Variants in KLF12 observed in about 807,000 individuals in gnomAD.
The protein encoded by KLF12 is Krueppel-like factor 12.
In KLF12, 9 loss-of-function variants were observed where a neutral mutation model predicts 37.8. That is an observed-to-expected ratio of 0.24 (90% confidence interval 0.14 to 0.42). The LOEUF (loss-of-function observed/expected upper bound fraction) is 0.42. KLF12 is among the 10% of genes least tolerant of loss of function. KLF12 has a pLI of 1.00. For missense variants in KLF12, 411 were observed against 516.0 expected (o/e 0.80, Z 1.97); for synonymous variants, 208 against 202.1 (o/e 1.03, Z -0.25).
chr13:74,305,840 T>G, the KLF12 span, among the ~76,000 whole-genome samples: 1 of 152,122 alleles, frequency 6.6e-6, no homozygotes, highest in Non-Finnish European at 1.5e-5. Flanking sequence ...CCCATCATTT[T>G]GTTTACCAGC....
At chr13:73,789,811 G>C (rs1042683839) in intron 5 of KLF12, among the ~76,000 whole-genome samples, 4 of 152,020 alleles carry the variant, frequency 2.6e-5, no homozygotes, top group Admixed American at 2.6e-4. Context: ...CGAGTAGCTG[G>C]GACTACAGGC....
At chr13:73,957,090 GGAAAGGAAAGGAAA>G in intron 2 of KLF12, among the ~76,000 whole-genome samples, 1 of 79,164 alleles carries the variant, frequency 1.3e-5, no homozygotes, top group Non-Finnish European at 2.9e-5. Context: ...GGAAAGGAAA[GGAAAGGAAAGGAAA>G]GAAAGGAAAA....
At chr13:73,915,656 G>C (rs1023477275) in intron 3 of KLF12, among the ~76,000 whole-genome samples, 1 of 150,048 alleles carries the variant, frequency 6.7e-6, no homozygotes, top group South Asian at 2.1e-4. Flanking sequence ...GGGACTACAG[G>C]CACCTGCCAC....
chr13:74,276,461 G>A, the KLF12 span, among the ~76,000 whole-genome samples: 2 of 152,030 alleles, frequency 1.3e-5, no homozygotes, highest in African/African-American at 4.8e-5. Flanking sequence ...TTTTGAACAG[G>A]AATTGAAATA....
chr13:74,176,755 T>G, the KLF12 span, among the ~76,000 whole-genome samples: 2 of 152,206 alleles, frequency 1.3e-5, no homozygotes, highest in African/African-American at 2.4e-5. Context: ...ACTCATATTC[T>G]TATTTATACC....
intron 1 of KLF12, among the ~76,000 whole-genome samples, chr13:74,072,364 A>AATATACATATAT (rs1874303155): frequency 1.6e-5 from 1 of 63,064 alleles, no homozygotes; most frequent in African/African-American, 4.7e-5. Context: ...AAGAAATACA[A>AATATACATATAT]ATATATATAT....
the KLF12 span, among the ~76,000 whole-genome samples, chr13:74,304,643 C>A: frequency 6.6e-6 from 1 of 151,928 alleles, no homozygotes. Context: ...ACGATAATTT[C>A]ATGTAAGGGG....
intron 1 of KLF12, among the ~76,000 whole-genome samples, chr13:74,026,802 C>T (rs1350223764): frequency 1.3e-5 from 2 of 152,166 alleles, no homozygotes; most frequent in Admixed American, 1.3e-4. Context: ...CTACCTCAGT[C>T]CCACAGGAGA....
intron 1 of KLF12, among the ~76,000 whole-genome samples, chr13:74,068,783 C>T (rs1874063504): frequency 6.6e-6 from 1 of 152,124 alleles, no homozygotes; most frequent in African/African-American, 2.4e-5. Context: ...TCTCGAACTC[C>T]TGGCCTCAAG....
chr13:73,697,084 CT>C (rs1874202807), intron 7 of KLF12, among the ~76,000 whole-genome samples: 1 of 105,268 alleles, frequency 9.5e-6, no homozygotes, highest in South Asian at 3.8e-4. Context: ...ATTAATACAA[CT>C]GCAACACACA....
At chr13:74,162,443 T>C in the KLF12 span, among the ~76,000 whole-genome samples, 1 of 152,242 alleles carries the variant, frequency 6.6e-6, no homozygotes, top group Non-Finnish European at 1.5e-5. Flanking sequence ...ATTCTTAAAT[T>C]AGGCCAGATG....
chr13:74,082,163 T>TA (rs57156299), intron 1 of KLF12, among the ~76,000 whole-genome samples: 1,486 of 114,750 alleles, frequency 0.013, 28 homozygotes, highest in Middle Eastern at 0.034. Flanking sequence ...CCCTGTCTCT[T>TA]AAAAAAAAAA....
chr13:73,836,907 G>A (rs1026425952), intron 4 of KLF12, among the ~76,000 whole-genome samples: 28 of 152,070 alleles, frequency 1.8e-4, no homozygotes, highest in Non-Finnish European at 2.9e-5. Flanking sequence ...TATTATAGGA[G>A]AAACTTGACC....
chr13:73,950,398 C>A (rs1460166013), intron 2 of KLF12, among the ~76,000 whole-genome samples: 1 of 152,168 alleles, frequency 6.6e-6, no homozygotes, highest in Non-Finnish European at 1.5e-5. Flanking sequence ...GTTCATTGGG[C>A]AGAGGATGGT....
chr13:73,815,503 T>C (rs1883167066), intron 4 of KLF12, among the ~76,000 whole-genome samples: 1 of 152,204 alleles, frequency 6.6e-6, no homozygotes, highest in African/African-American at 2.4e-5. Flanking sequence ...AACTCATAGA[T>C]AGCTTCTTTT....
At chr13:74,145,087 A>G in the KLF12 span, among the ~76,000 whole-genome samples, 1 of 152,178 alleles carries the variant, frequency 6.6e-6, no homozygotes, top group Non-Finnish European at 1.5e-5. Flanking sequence ...AATGAAAAAA[A>G]TAAAACAGTT....
At chr13:73,973,150 A>G (rs2138119292) in intron 2 of KLF12, among the ~76,000 whole-genome samples, 1 of 152,318 alleles carries the variant, frequency 6.6e-6, no homozygotes, top group South Asian at 2.1e-4. Flanking sequence ...TAACTTTGTT[A>G]TTTAACACTG....
intron 6 of KLF12, among the ~76,000 whole-genome samples, chr13:73,755,003 T>C (rs35558978): frequency 3.3e-4 from 51 of 152,346 alleles, no homozygotes; most frequent in Non-Finnish European, 6.9e-4. Flanking sequence ...ATAAATGCCT[T>C]ATGGACTGTG....
chr13:74,116,203 T>C (rs1209079486), intron 1 of KLF12, among the ~76,000 whole-genome samples: 1 of 152,176 alleles, frequency 6.6e-6, no homozygotes, highest in East Asian at 1.9e-4. Flanking sequence ...CCAGCATTTT[T>C]TTTACTAAGA....
Sources: allele counts gnomAD v4.1 joint callset (sites outside exome capture counted in the v4.1 genomes callset), GRCh38; gene constraint gnomAD v4.1.1; transcripts MANE v1.5; gene names NCBI Gene and HGNC (gene_info 2026-07-23, HGNC 2026-07-21).